The following HFM1 variants were observed in gnomAD, a reference collection of about 807,000 sequenced individuals.
The protein encoded by HFM1 is helicase for meiosis 1, also known as probable ATP-dependent DNA helicase HFM1.
A neutral mutation model predicts 192.1 loss-of-function variants in HFM1; 169 were observed. The ratio of observed to expected loss-of-function variants is 0.88; its 90% CI spans 0.78 to 1.00. The LOEUF (loss-of-function observed/expected upper bound fraction) is 1.00. Ranked by LOEUF, HFM1 falls within the 50% of genes least tolerant of loss-of-function variation. The pLI is 0.00. For missense variants in HFM1, 1,661 were observed against 1,668.0 expected, an observed-to-expected ratio of 1.00 and a Z score of 0.07; for synonymous variants, 525 against 537.8, an observed-to-expected ratio of 0.98 and a Z score of 0.33.
chr1:91,350,354 C>A (rs1656763093), intron 18 of HFM1, among the ~76,000 whole-genome samples: 1 of 151,988 alleles, frequency 6.6e-6, no homozygotes, highest in African/African-American at 2.4e-5. Flanking sequence ...ACTTTCATTT[C>A]TTATAAACTG....
In HFM1 at chr1:91,299,259, T is replaced by C. The variant is rs555886995; in HGVS notation, c.3391+14090A>G. On this transcript the variant is annotated intron_variant, in intron 30 of 38. Coordinates refer to ENST00000370425, the MANE Select transcript of HFM1 (RefSeq NM_001017975.6). ...CTATCCTAAATATATATGCACCCAA[T>C]ACAGGAGCACCCAGATTCATAAAGC... 5.4e-3 allele frequency among the ~76,000 whole-genome samples: 829 copies of C among 152,210 alleles called. 4 individuals carry two copies. Among genetic ancestry groups the C allele is most frequent in the African/African-American group, 0.019 (783 of 41,516 alleles).
intron 25 of HFM1, among the ~76,000 whole-genome samples, chr1:91,318,251 A>C (rs917220111): frequency 2.0e-5 from 3 of 152,194 alleles, no homozygotes; most frequent in Admixed American, 2.0e-4. Flanking sequence ...CTTCCTAGTC[A>C]GCCCTCTGCC....
At chr1:91,360,718 C>T (rs1423215649) in intron 13 of HFM1, among the ~76,000 whole-genome samples, 2 of 152,162 alleles carry the variant, frequency 1.3e-5, no homozygotes, top group Non-Finnish European at 2.9e-5. Context: ...ACAGAACTCT[C>T]CACTCAAATT....
intron 30 of HFM1, among the ~76,000 whole-genome samples, chr1:91,279,368 G>A (rs2100807716): frequency 6.6e-6 from 1 of 152,262 alleles, no homozygotes; most frequent in Non-Finnish European, 1.5e-5. Context: ...TTTGTCCCAA[G>A]TCATGGTCCT....
intron 30 of HFM1, among the ~76,000 whole-genome samples, chr1:91,277,346 A>C (rs1666924546): frequency 6.6e-6 from 1 of 151,066 alleles, no homozygotes; most frequent in Non-Finnish European, 1.5e-5. Context: ...CAGCCTTCCA[A>C]GTAGCTGGGA....
At chr1:91,389,132 G>GTTTTTTT (rs34874992) in intron 4 of HFM1, among the ~76,000 whole-genome samples, 1 of 82,522 alleles carries the variant, frequency 1.2e-5, no homozygotes, top group Admixed American at 1.5e-4. Context: ...TTTTTGTTGG[G>GTTTTTTT]TTTTTTTTTT....
rs542521929 is a variant in HFM1 at position 91,356,512 on chromosome 1, G to A, written c.1686-3213C>T. 2.7e-3 allele frequency among the ~76,000 whole-genome samples: 409 copies of A among 152,006 alleles called. 2 individuals are homozygous for A. Among genetic ancestry groups the A allele is most frequent in the Non-Finnish European group, 2.7e-3 (185 of 67,974 alleles). ...ATAAGTGCCTATATTAAAAAAAGAAGATACTAAATAGACAGCCTAACATTA... is the reference window on the plus strand; with the variant it reads ...ATAAGTGCCTATATTAAAAAAAGAAAATACTAAATAGACAGCCTAACATTA... On this transcript the variant is annotated intron_variant, in intron 13 of 38. Transcript: ENST00000370425.
At chr1:91,343,287 G>T in intron 20 of HFM1, 143 bp downstream of exon 20, 3 of 325,936 alleles carry the variant, frequency 9.2e-6, no homozygotes, top group Non-Finnish European at 1.8e-5. Context: ...AATTTATCAT[G>T]CCTATGGCTA....
intron 16 of HFM1, 55 bp downstream of exon 16, chr1:91,352,451 T>A (rs1445180344): frequency 3.7e-6 from 5 of 1,337,832 alleles, no homozygotes; most frequent in Admixed American, 4.6e-5. Flanking sequence ...AAATACACAA[T>A]TTTTTTGTTT....
At chr1:91,264,473 C>T (rs977201393) in intron 36 of HFM1, among the ~76,000 whole-genome samples, 2 of 138,948 alleles carry the variant, frequency 1.4e-5, no homozygotes, top group Non-Finnish European at 3.1e-5. Flanking sequence ...CCCGGGTTCA[C>T]GCCATTCTCC....
intron 2 of HFM1, among the ~76,000 whole-genome samples, chr1:91,398,647 C>G (rs572586139): frequency 1.3e-5 from 2 of 152,254 alleles, no homozygotes; most frequent in East Asian, 3.9e-4. Flanking sequence ...AAACTGAACT[C>G]CCTGTTGTAT....
intron 19 of HFM1, among the ~76,000 whole-genome samples, chr1:91,345,231 G>A (rs565644876): frequency 6.6e-6 from 1 of 152,274 alleles, no homozygotes; most frequent in Non-Finnish European, 1.5e-5. Context: ...TATTTGAACA[G>A]AGACCTGAAT....
At chr1:91,395,698 C>A (rs79168347) in intron 3 of HFM1, among the ~76,000 whole-genome samples, 1 of 151,820 alleles carries the variant, frequency 6.6e-6, no homozygotes, top group Non-Finnish European at 1.5e-5. Flanking sequence ...GTTTACATAA[C>A]GAGTATACAT....
At chr1:91,299,308 G>C (rs36193199) in intron 30 of HFM1, among the ~76,000 whole-genome samples, 1 of 151,870 alleles carries the variant, frequency 6.6e-6, no homozygotes, top group Non-Finnish European at 1.5e-5. Flanking sequence ...CCTACAAAGA[G>C]ACTTAGACTC....
In HFM1 at chr1:91,319,070, G is replaced by C. The variant is rs1651681932; in HGVS notation, c.2812+8C>G. The C allele has an allele frequency of 6.3e-7, 1 of 1,585,638 alleles. No individual in the cohort carries two copies. The highest frequency in any genetic ancestry group is 8.5e-7 in the Non-Finnish European group (1 of 1,172,034). Reference sequence around the variant, plus strand: ...TGGCCAAACTGCCTGCCTGTATTCAGTACCTACCAATTTTTTCCAGTTGTT... The same window carrying C: ...TGGCCAAACTGCCTGCCTGTATTCACTACCTACCAATTTTTTCCAGTTGTT... On this transcript the variant is annotated splice_region_variant and intron_variant, in intron 25 of 38. Transcript: ENST00000370425.
At chr1:91,349,300 T>G (rs950272460) in intron 18 of HFM1, among the ~76,000 whole-genome samples, 1 of 134,600 alleles carries the variant, frequency 7.4e-6, no homozygotes, top group Non-Finnish European at 1.6e-5. Flanking sequence ...AAAAAAAAAA[T>G]GCCCAGAAAT....
intron 28 of HFM1, 139 bp from the exon 29 acceptor site, chr1:91,314,199 T>C (rs1650877491): frequency 1.9e-6 from 1 of 525,198 alleles, no homozygotes; most frequent in Admixed American, 3.6e-5. Flanking sequence ...TTCCCCAACT[T>C]TTAAGGAGGG....
chr1:91,262,356 G>T lies in HFM1; in HGVS notation c.4123C>A (p.Pro1375Thr). 1.9e-6 allele frequency: 3 copies of T among 1,573,304 alleles called. No homozygotes were observed. Among genetic ancestry groups the T allele is most frequent in the East Asian group, 2.3e-5 (1 of 44,034 alleles). The change falls in exon 38 of 39, where the codon CCA (proline) becomes ACA (threonine). Residue 1375 changes from proline (P) to threonine (T), a missense_variant. By Grantham distance (38) the Pro-to-Thr change is conservative. Transcript: ENST00000370425. Reference sequence around the variant, plus strand: ...GTAAAGCATTGCTTCTCAATCTCTGGTGACAGATTTTGTGGTTTTCTTTCT... The same window carrying T: ...GTAAAGCATTGCTTCTCAATCTCTGTTGACAGATTTTGTGGTTTTCTTTCT... ...FQERKPQNLS[P>T]EIEKQCFTFS...
Position 91,316,416 on chromosome 1 carries a change from T to A in HFM1, c.2873A>T (p.Glu958Val). 6.3e-7 allele frequency: 1 copy of A among 1,576,664 alleles called. No individual in the cohort carries two copies. The highest frequency in any genetic ancestry group is 1.2e-5 in the South Asian group (1 of 86,346). ...CAATTCAAGTTCCCTTGCATCTGTCTCTTCTATTTTTTTAAAGGAAGTCAA... is the reference window on the plus strand; with the variant it reads ...CAATTCAAGTTCCCTTGCATCTGTCACTTCTATTTTTTTAAAGGAAGTCAA... Reference protein sequence around the residue: ...AGLTSFKKIEETDARELELIL... With the variant: ...AGLTSFKKIEVTDARELELIL... The change falls in exon 26 of 39, where the codon GAG becomes GTG. Residue 958 changes from glutamate (E) to valine (V), a missense_variant. Transcript: ENST00000370425.
Sources: allele counts gnomAD v4.1 joint callset (sites outside exome capture counted in the v4.1 genomes callset), GRCh38; gene constraint gnomAD v4.1.1; transcripts MANE v1.5; gene names NCBI Gene and HGNC (gene_info 2026-07-23, HGNC 2026-07-21).